Variants in ZNF324B observed in about 807,000 individuals in gnomAD.
The protein encoded by ZNF324B is zinc finger protein 324B.
Under a neutral mutation model 10.6 loss-of-function variants are expected in ZNF324B, and 7 were observed. The observed-to-expected ratio is 0.66, with a 90% CI of 0.38 to 1.24. The LOEUF is 1.24. ZNF324B is among the 50% of genes most tolerant of loss of function. The pLI is 0.02. For synonymous variants in ZNF324B, 316 were observed against 321.0 expected, an observed-to-expected ratio of 0.98 and a Z score of 0.17; for missense variants, 640 against 764.7, an observed-to-expected ratio of 0.84 and a Z score of 1.92.
chr19:58,423,317 C>T, the ZNF324B span, among the ~76,000 whole-genome samples: 251 of 151,752 alleles, frequency 1.7e-3, no homozygotes, highest in Non-Finnish European at 2.9e-3. Flanking sequence ...TGTGCCACCA[C>T]GCCTGGCTAA....
the ZNF324B span, chr19:58,440,953 C>G: frequency 2.6e-5 from 4 of 152,384 alleles, no homozygotes; most frequent in African/African-American, 9.6e-5. Context: ...TGAGAAGTAT[C>G]TGCCCCAGGT....
chr19:58,453,792 C>T lies in ZNF324B; in HGVS notation c.91C>T (p.Leu31=). 1 of 1,614,138 alleles carries T rather than the reference C, an allele frequency of 6.2e-7. No homozygotes were observed. The highest frequency in any genetic ancestry group is 1.3e-5 in the African/African-American group (1 of 75,062). The change falls in exon 2 of 4, where the codon CTG becomes TTG. Residue 31 remains leucine (L), a synonymous_variant. Coordinates refer to ENST00000336614, the MANE Select transcript of ZNF324B (RefSeq NM_207395.3). ...GAGGGCCCTGTACCGCCACGTGATGCTGGAAAACTTCACACTTGTGACCTC... is the reference window on the plus strand; with the variant it reads ...GAGGGCCCTGTACCGCCACGTGATGTTGGAAAACTTCACACTTGTGACCTC... ...AQRALYRHVM[L]ENFTLVTSLG... is the part of the protein sequence containing the mutation.
At chr19:58,434,909 G>T in the ZNF324B span, 1 of 1,614,158 alleles carries the variant, frequency 6.2e-7, no homozygotes, top group Non-Finnish European at 8.5e-7. Context: ...CTCTTCATAA[G>T]TGCGTCCCTG....
upstream of ZNF324B, among the ~76,000 whole-genome samples, chr19:58,446,948 C>G (rs1255699332): frequency 1.3e-5 from 2 of 148,822 alleles, no homozygotes; most frequent in Non-Finnish European, 3.0e-5. Context: ...CTTTCCTTTT[C>G]TTTCTTTTCT....
At chr19:58,435,139 C>G in the ZNF324B span, 1 of 1,614,184 alleles carries the variant, frequency 6.2e-7, no homozygotes, top group South Asian at 1.1e-5. Context: ...ATTAGGGATC[C>G]TGACCTGTAA....
the ZNF324B span, among the ~76,000 whole-genome samples, chr19:58,422,362 C>T: frequency 6.6e-6 from 1 of 152,138 alleles, no homozygotes; most frequent in African/African-American, 2.4e-5. Context: ...TGGAACAAGA[C>T]AAAGATGCCC....
chr19:58,431,941 G>A, the ZNF324B span, among the ~76,000 whole-genome samples: 1 of 152,070 alleles, frequency 6.6e-6, no homozygotes, highest in Non-Finnish European at 1.5e-5. Flanking sequence ...CTTGCCGTGA[G>A]CCAAAATCGC....
At chr19:58,425,021 C>T in the ZNF324B span, among the ~76,000 whole-genome samples, 10 of 151,994 alleles carry the variant, frequency 6.6e-5, no homozygotes, top group South Asian at 2.1e-4. Flanking sequence ...TTTGGGAGGC[C>T]GAGGCGGGTG....
chr19:58,433,121 A>G, the ZNF324B span: 1 of 608,084 alleles, frequency 1.6e-6, no homozygotes, highest in African/African-American at 1.9e-5. Context: ...CAAGATGGAA[A>G]GTGACTATGG....
At chr19:58,453,876 T>C in intron 2 of ZNF324B, 54 bp downstream of exon 2, 1 of 1,584,262 alleles carries the variant, frequency 6.3e-7, no homozygotes, top group Non-Finnish European at 8.6e-7. Context: ...CAGGACTGCC[T>C]CTTCACTTCC....
At chr19:58,441,880 G>A in the ZNF324B span, 1 of 152,380 alleles carries the variant, frequency 6.6e-6, no homozygotes, top group Non-Finnish European at 1.5e-5. Flanking sequence ...TTCCAAGAAT[G>A]TGGGGCTCCT....
chr19:58,435,367 A>G, the ZNF324B span: 1 of 821,670 alleles, frequency 1.2e-6, no homozygotes, highest in Non-Finnish European at 1.9e-6. Context: ...AGGGCCCATT[A>G]CTATTGGCAG....
At chr19:58,442,158 G>GTTTTTTTTTTTT in the ZNF324B span, 2 of 82,978 alleles carry the variant, frequency 2.4e-5, no homozygotes, top group African/African-American at 1.4e-4. Context: ...GAGTGTTACA[G>GTTTTTTTTTTTT]TTCTTTTTTT....
chr19:58,444,678 G>A, the ZNF324B span: 14 of 152,294 alleles, frequency 9.2e-5, no homozygotes, highest in African/African-American at 3.4e-4. Context: ...TGACACTGAA[G>A]AGATAGCTGA....
At chr19:58,438,496 CAG>C in the ZNF324B span, among the ~76,000 whole-genome samples, 2 of 133,020 alleles carry the variant, frequency 1.5e-5, no homozygotes, top group African/African-American at 3.1e-5. Context: ...TTTTTTGAGA[CAG>C]AGTCTCGCTC....
the ZNF324B span, chr19:58,433,047 A>C: frequency 2.1e-3 from 705 of 343,540 alleles, no homozygotes; most frequent in Non-Finnish European, 2.1e-3. Flanking sequence ...CACAGGAAGG[A>C]AGGCTCAGGG....
rs2052909677 is a variant in ZNF324B, at chr19:58,455,637, T to C, written c.693T>C (p.Pro231=). ...GAATGGGCGCAGCTTGGCAGGAGCC[T>C]CATAGACTCCTCGGTGGCCAGGAGC... ...DRRMGAAWQE[P]HRLLGGQEPS... is the part of the protein sequence containing the mutation. Residue 231 remains proline, a synonymous_variant, in exon 4 of 4, where the codon CCT becomes CCC. Transcript: ENST00000336614. This position sits in a 1 kb window ranked among gnomAD's most constrained non-coding sequence, Gnocchi z 7.0. The C allele has an allele frequency of 6.2e-7, 1 of 1,613,780 alleles. No homozygotes were observed. The highest frequency in any genetic ancestry group is 8.5e-7 in the Non-Finnish European group (1 of 1,179,950).
In ZNF324B at chr19:58,452,049, T is replaced by C. The variant is rs868419634; in HGVS notation, c.-7+345T>C. The C allele has an allele frequency of 4.7e-5, 9 of 191,852 alleles. No individual in the cohort carries two copies. The Middle Eastern group carries it at 6.3e-3, about 133-fold the overall frequency. The allele number at this position is 191,852 out of a possible 1,614,324, so 11.9% of individuals were successfully genotyped here. ...CTGCGCCCCCACGGAGTGAGGCCGC[T>C]TCCTAGACCTCGCCTAGTCGTCTTT... On this transcript the variant is annotated intron_variant, in intron 1 of 3. Transcript: ENST00000336614.
the ZNF324B span, chr19:58,433,991 G>C: frequency 1.2e-6 from 2 of 1,613,828 alleles, no homozygotes; most frequent in East Asian, 4.5e-5. Context: ...TCAAAAGGCC[G>C]TTCTCCAGTG....
Sources: allele counts gnomAD v4.1 joint callset (sites outside exome capture counted in the v4.1 genomes callset), GRCh38; gene constraint gnomAD v4.1.1; non-coding constraint Gnocchi (gnomAD v3.1); transcripts MANE v1.5; gene names NCBI Gene and HGNC (gene_info 2026-07-23, HGNC 2026-07-21).